Variants in ZNF618 observed in about 807,000 individuals in gnomAD.
ZNF618 encodes the protein zinc finger protein 618.
A neutral mutation model predicts 103.0 loss-of-function variants in ZNF618; 34 were observed. That is an observed-to-expected ratio of 0.33 (90% confidence interval 0.25 to 0.44). ZNF618 has a LOEUF of 0.44. Ranked by LOEUF, ZNF618 falls within the 20% of genes least tolerant of loss-of-function variation. ZNF618 has a pLI of 1.00. For synonymous variants in ZNF618, 551 were observed against 542.2 expected, an observed-to-expected ratio of 1.02 and a Z score of -0.23; for missense variants, 1,059 against 1,295.4, an observed-to-expected ratio of 0.82 and a Z score of 2.80.
At chr9:113,981,109 A>C in intron 2 of ZNF618, among the ~76,000 whole-genome samples, 1 of 152,164 alleles carries the variant, frequency 6.6e-6, no homozygotes, top group Non-Finnish European at 1.5e-5. Flanking sequence ...GCATTCATGG[A>C]GAGTGTATTT....
At position 113,883,784 on chromosome 9, in the gene ZNF618, G is replaced by T. The variant is rs1042388245; in HGVS notation, c.33+7371G>T. Among the ~76,000 whole-genome samples the T allele has an allele frequency of 3.9e-5, 6 of 152,044 alleles. No individual in the cohort carries two copies. The East Asian group carries it at 9.6e-4, about 24-fold the overall frequency. ...CCACGTTTCCATATTTCTGAAATCA[G>T]GATGCCCCTTACAGTAGATTTGTTC... On this transcript the variant is annotated intron_variant, in intron 1 of 14. Coordinates refer to ENST00000374126, the MANE Select transcript of ZNF618 (RefSeq NM_001318042.2).
intron 1 of ZNF618, among the ~76,000 whole-genome samples, chr9:113,905,101 G>T (rs10981999): frequency 6.6e-6 from 1 of 151,654 alleles, no homozygotes; most frequent in East Asian, 1.9e-4. Context: ...AGACTGCCTC[G>T]CTCTGTCACC....
At chr9:114,038,746 A>G (rs1188671003) in intron 13 of ZNF618, among the ~76,000 whole-genome samples, 1 of 152,140 alleles carries the variant, frequency 6.6e-6, no homozygotes, top group Non-Finnish European at 1.5e-5. Context: ...TGGCACTGAG[A>G]GCTTTACGCA....
intron 2 of ZNF618, among the ~76,000 whole-genome samples, chr9:113,984,015 G>A (rs1343924398): frequency 6.6e-6 from 1 of 152,156 alleles, no homozygotes; most frequent in East Asian, 1.9e-4. Context: ...CCTAATATAG[G>A]CCTACTGGAT....
chr9:113,945,682 C>T (rs903333621), intron 1 of ZNF618, among the ~76,000 whole-genome samples: 1 of 152,190 alleles, frequency 6.6e-6, no homozygotes, highest in African/African-American at 2.4e-5. Context: ...CCTGCTTTGT[C>T]GTTGGCAGAG....
chr9:113,954,014 C>T (rs1836015753), intron 1 of ZNF618, among the ~76,000 whole-genome samples: 2 of 152,100 alleles, frequency 1.3e-5, no homozygotes, highest in African/African-American at 4.8e-5. Flanking sequence ...GGGGAAGGGC[C>T]CTTCCTTTCT....
At position 114,008,336 on chromosome 9, in the gene ZNF618, G is replaced by A. The variant is rs537204245; in HGVS notation, c.641-8G>A. ...CTTCTGCGGCTGCCGCCTCCTGCCC[G>A]GGCGCAGTGTTTAGTGTGGAAGGGG... On this transcript the variant is annotated splice_polypyrimidine_tract_variant and splice_region_variant and intron_variant, in intron 7 of 14. Transcript: ENST00000374126. 20 of 1,613,472 alleles carry A rather than the reference G, an allele frequency of 1.2e-5. No homozygotes were observed. The highest frequency in any genetic ancestry group is 1.5e-5 in the Non-Finnish European group (18 of 1,179,864).
chr9:113,959,325 C>T (rs1042634140), intron 1 of ZNF618, among the ~76,000 whole-genome samples: 1 of 152,140 alleles, frequency 6.6e-6, no homozygotes, highest in Non-Finnish European at 1.5e-5. Flanking sequence ...AAAACAACAC[C>T]TCACTGGGCC....
intron 4 of ZNF618, among the ~76,000 whole-genome samples, chr9:113,998,964 C>T (rs1490783050): frequency 3.9e-5 from 6 of 152,258 alleles, no homozygotes; most frequent in Admixed American, 3.9e-4. Flanking sequence ...ACAACCCGTT[C>T]CCCTGAGGGG....
intron 7 of ZNF618, among the ~76,000 whole-genome samples, chr9:114,007,808 A>G (rs998387977): frequency 2.0e-5 from 3 of 152,204 alleles, no homozygotes; most frequent in Non-Finnish European, 4.4e-5. Context: ...AGATTATACA[A>G]TTAGAAATTA....
chr9:113,926,748 C>T (rs1346227689), intron 1 of ZNF618, among the ~76,000 whole-genome samples: 4 of 152,182 alleles, frequency 2.6e-5, no homozygotes, highest in African/African-American at 9.7e-5. Flanking sequence ...CACTGTAGCT[C>T]ATGCTTGTAA....
chr9:113,960,985 C>T lies in ZNF618; in HGVS notation c.34-8132C>T, dbSNP rs879350625. 3.3e-5 allele frequency among the ~76,000 whole-genome samples: 5 copies of T among 152,204 alleles called. 1 individual carries two copies. Among genetic ancestry groups the T allele is most frequent in the East Asian group, 3.9e-4 (2 of 5,186 alleles). ...GAAGGCTACAACCCAGCGAAGTTCA[C>T]GGGCCTTGGTTTCCCAGCTGGGCAA... On this transcript the variant is annotated intron_variant, in intron 1 of 14. Coordinates refer to ENST00000374126, the MANE Select transcript of ZNF618 (RefSeq NM_001318042.2).
At chr9:113,927,904 T>A (rs1833245056) in intron 1 of ZNF618, among the ~76,000 whole-genome samples, 1 of 152,218 alleles carries the variant, frequency 6.6e-6, no homozygotes, top group Non-Finnish European at 1.5e-5. Context: ...CATCAGCTTG[T>A]CTTAAGTTGC....
At chr9:113,994,786 T>G (rs1300735124) in intron 3 of ZNF618, among the ~76,000 whole-genome samples, 2 of 152,066 alleles carry the variant, frequency 1.3e-5, no homozygotes, top group African/African-American at 4.8e-5. Flanking sequence ...AAGGCCAAGG[T>G]TTTCAAACAT....
intron 3 of ZNF618, among the ~76,000 whole-genome samples, chr9:113,990,001 C>G (rs529245216): frequency 7.9e-5 from 12 of 152,354 alleles, no homozygotes; most frequent in Admixed American, 1.3e-4. Context: ...TTAAGAGCCT[C>G]CATAACCTGA....
At chr9:113,898,805 AC>A in intron 1 of ZNF618, among the ~76,000 whole-genome samples, 1 of 152,274 alleles carries the variant, frequency 6.6e-6, no homozygotes, top group Non-Finnish European at 1.5e-5. Flanking sequence ...GACTGTAGTT[AC>A]CTCAATATGT....
intron 1 of ZNF618, among the ~76,000 whole-genome samples, chr9:113,922,639 G>T (rs1327547942): frequency 6.6e-6 from 1 of 152,048 alleles, no homozygotes; most frequent in East Asian, 1.9e-4. Context: ...TATTCTGTCT[G>T]TTCTGTTTAT....
intron 1 of ZNF618, among the ~76,000 whole-genome samples, chr9:113,879,392 T>G (rs945945121): frequency 3.3e-4 from 48 of 146,200 alleles, no homozygotes; most frequent in Non-Finnish European, 5.8e-4. Flanking sequence ...TTTTTTTTTT[T>G]TTCTGTTTTT....
chr9:113,884,019 G>A (rs1002646336), intron 1 of ZNF618, among the ~76,000 whole-genome samples: 20 of 126,470 alleles, frequency 1.6e-4, no homozygotes, highest in African/African-American at 5.6e-4. Flanking sequence ...TACAGTGAAG[G>A]CAGGACTTCA....
Sources: gnomAD v4.1 joint callset for allele counts (sites outside exome capture counted in the v4.1 genomes callset) on GRCh38, gnomAD v4.1.1 for gene constraint, MANE v1.5 for transcripts, NCBI Gene and HGNC (gene_info 2026-07-23, HGNC 2026-07-21) for gene names.